Variants in ITPRID1 observed in about 807,000 individuals in gnomAD.
ITPRID1 encodes protein ITPRID1.
ITPRID1 carries 96 observed loss-of-function variants against 95.4 expected under a neutral mutation model. The observed-to-expected ratio is 1.01, with a 90% confidence interval of 0.85 to 1.19. ITPRID1 has a LOEUF of 1.19. Ranked by LOEUF, ITPRID1 falls within the 50% of genes most tolerant of loss-of-function variation. ITPRID1 has a pLI of 0.00. For synonymous variants in ITPRID1, 510 were observed against 453.6 expected (o/e 1.12, Z -1.58); for missense variants, 1,339 against 1,252.9 (o/e 1.07, Z -1.04).
intron 10 of ITPRID1, among the ~76,000 whole-genome samples, chr7:31,591,307 T>C: frequency 6.6e-6 from 1 of 152,162 alleles, no homozygotes; most frequent in East Asian, 1.9e-4. Flanking sequence ...TAATATTTGA[T>C]GACAGTGGAC....
At position 31,652,596 on chromosome 7, in the gene ITPRID1, G is replaced by A; in HGVS notation, c.2902G>A (p.Gly968Arg). The A allele has an allele frequency of 5.6e-6, 9 of 1,612,924 alleles. No individual in the cohort carries two copies. Among genetic ancestry groups the A allele is most frequent in the African/African-American group, 2.7e-5 (2 of 75,020 alleles). ...HQYNWIEESN[G>R]QTSCSKIHPG... Reference sequence around the variant, plus strand: ...ATATAACTGGATAGAAGAAAGCAATGGGCAGACTTCATGTTCTAAAATCCA... The same window carrying A: ...ATATAACTGGATAGAAGAAAGCAATAGGCAGACTTCATGTTCTAAAATCCA... Residue 968 changes from glycine to arginine, a missense_variant, in exon 15 of 15, where the codon GGG (glycine) becomes AGG (arginine). Gly to Arg is a moderately radical substitution (Grantham distance 125). Transcript: ENST00000615280.
Position 31,627,927 on chromosome 7 carries a change from G to C in ITPRID1, c.1229-14249G>C, listed in dbSNP as rs1332115426. ...AGGCAAGAAAGAGCATATCCAAAAG[G>C]GTTTAACTGAAGAGAGTTTTAGAAA... On this transcript the variant is annotated intron_variant, in intron 10 of 14. Transcript: ENST00000615280. Among the ~76,000 whole-genome samples, 3 of 152,278 alleles carry C rather than the reference G, an allele frequency of 2.0e-5. No homozygotes were observed. In the South Asian group the frequency reaches 6.2e-4, roughly 32 times the overall value.
chr7:31,563,211 T>C (rs1784683144), intron 5 of ITPRID1, among the ~76,000 whole-genome samples: 1 of 152,164 alleles, frequency 6.6e-6, no homozygotes, highest in African/African-American at 2.4e-5. Flanking sequence ...AAAAATTAAT[T>C]TGCTGGAAGC....
intron 8 of ITPRID1, among the ~76,000 whole-genome samples, chr7:31,575,897 A>T (rs1257437678): frequency 6.6e-6 from 1 of 151,644 alleles, no homozygotes; most frequent in Non-Finnish European, 1.5e-5. Context: ...TTTTTTTTTA[A>T]AAAGAGTATG....
At chr7:31,547,582 G>A (rs963858137) in intron 1 of ITPRID1, among the ~76,000 whole-genome samples, 2 of 152,092 alleles carry the variant, frequency 1.3e-5, no homozygotes, top group African/African-American at 2.4e-5. Flanking sequence ...TCGATATGGG[G>A]ACTATAGGAA....
intron 1 of ITPRID1, among the ~76,000 whole-genome samples, chr7:31,537,095 TTGTGTGTGTGTGTGTGTG>T (rs66543091): frequency 2.1e-5 from 3 of 145,568 alleles, no homozygotes; most frequent in Admixed American, 6.9e-5. Flanking sequence ...GGTGTGTGTG[TTGTGTGTGTGTGTGTGTG>T]TGTGTGTGTG....
rs2286711 is a variant in ITPRID1 at position 31,554,894 on chromosome 7, C to G, written c.249C>G (p.Asp83Glu). The G allele has an allele frequency of 6.3e-7, 1 of 1,575,518 alleles. No homozygotes were observed. Among genetic ancestry groups the G allele is most frequent in the Non-Finnish European group, 8.6e-7 (1 of 1,156,734 alleles). ...SANENFQQVI[D>E]RTVSLYEQGM... ...ATGAAAACTTTCAACAAGTCATTGA[C>G]CGCACTGGTAAGACAAGAGAAGCAG... The change falls in exon 5 of 15, where the codon GAC becomes GAG. Residue 83 changes from aspartate to glutamate, a missense_variant. Transcript: ENST00000615280.
chr7:31,540,304 G>A (rs1248898016), intron 1 of ITPRID1, among the ~76,000 whole-genome samples: 4 of 152,206 alleles, frequency 2.6e-5, no homozygotes, highest in Non-Finnish European at 5.9e-5. Context: ...AGTGCCAGCA[G>A]TGAAGAGATT....
intron 1 of ITPRID1, among the ~76,000 whole-genome samples, chr7:31,546,630 A>G (rs143354835): frequency 1.1e-3 from 165 of 152,254 alleles, no homozygotes; most frequent in African/African-American, 3.8e-3. Flanking sequence ...GTATTCCTCA[A>G]TTCCTTGTTG....
At position 31,643,457 on chromosome 7, in the gene ITPRID1, A is replaced by G; in HGVS notation, c.2087A>G (p.Glu696Gly). 1 of 1,614,010 alleles carries G rather than the reference A, an allele frequency of 6.2e-7. No homozygotes were observed. Among genetic ancestry groups the G allele is most frequent in the Non-Finnish European group, 8.5e-7 (1 of 1,179,898 alleles). The change falls in exon 12 of 15, where the codon GAA becomes GGA. Residue 696 changes from glutamate (E) to glycine (G), a missense_variant. Physicochemically the swap from Glu to Gly is moderately conservative, Grantham distance 98 (BLOSUM62 -2). Transcript: ENST00000615280. The stretch of plus-strand genomic sequence containing the variant: ...CTACCTGGGACAGAAGCTGAGATGG[A>G]AAACCTTCCTCTAAATACTGGCAGC... ...QILPGTEAEM[E>G]NLPLNTGSSR...
At chr7:31,566,842 G>A (rs1306033472) in intron 5 of ITPRID1, among the ~76,000 whole-genome samples, 2 of 152,152 alleles carry the variant, frequency 1.3e-5, no homozygotes, top group African/African-American at 2.4e-5. Context: ...CAAGAATGCC[G>A]CAATGGATTA....
chr7:31,564,672 C>A lies in ITPRID1; in HGVS notation c.257-5086C>A, dbSNP rs74950419. ...AGGTAGCAGGAGTAGTTTGTCTGTC[C>A]TGTGATGGCATTCCCTAGGCGTGAG... On this transcript the variant is annotated intron_variant, in intron 5 of 14. Transcript: ENST00000615280. Among the ~76,000 whole-genome samples the A allele has an allele frequency of 1.4e-3, 212 of 152,220 alleles. 2 individuals carry two copies. The East Asian group carries it at 0.026, about 19-fold the overall frequency.
At chr7:31,656,531 A>ACT (rs3078499), downstream of ITPRID1, 730,905 of 960,352 alleles carry the variant, frequency 0.76, 279,442 homozygotes, top group East Asian at 0.81. Flanking sequence ...GTTGAAAAGA[A>ACT]CTGTTAGCAA....
intron 5 of ITPRID1, among the ~76,000 whole-genome samples, chr7:31,558,867 A>G (rs1784537744): frequency 6.6e-6 from 1 of 152,196 alleles, no homozygotes; most frequent in African/African-American, 2.4e-5. Context: ...GGTGGCAGAA[A>G]AGAATGCTCT....
chr7:31,616,303 TCC>T (rs1360258620), intron 10 of ITPRID1, among the ~76,000 whole-genome samples: 36 of 152,224 alleles, frequency 2.4e-4, no homozygotes, highest in African/African-American at 8.2e-4. Flanking sequence ...TTTATGGTTA[TCC>T]CTTCAGGGTC....
At chr7:31,526,390 C>CAG (rs1485746394) in intron 1 of ITPRID1, among the ~76,000 whole-genome samples, 9 of 152,244 alleles carry the variant, frequency 5.9e-5, no homozygotes, top group Admixed American at 5.9e-4. Flanking sequence ...CGTTGCGAGT[C>CAG]AGAGAGGCAT....
intron 1 of ITPRID1, among the ~76,000 whole-genome samples, chr7:31,526,860 T>G (rs1783438357): frequency 6.6e-6 from 1 of 152,146 alleles, no homozygotes; most frequent in Non-Finnish European, 1.5e-5. Context: ...TCTTGTTGCT[T>G]CCATTCATTC....
Position 31,642,781 on chromosome 7 carries a change from G to C in ITPRID1, c.1411G>C (p.Glu471Gln), listed in dbSNP as rs1790141796. Reference protein sequence around the residue: ...SLVSSQDCQLESDGPDSKSRA... With the variant: ...SLVSSQDCQLQSDGPDSKSRA... ...AGTATCATCCCAGGACTGTCAGCTA[G>C]AGTCGGATGGGCCAGATTCCAAAAG... Residue 471 changes from glutamate to glutamine, a missense_variant, in exon 12 of 15, where the codon GAG becomes CAG. Glu to Gln is a conservative substitution (Grantham distance 29). Coordinates refer to ENST00000615280, the MANE Select transcript of ITPRID1 (RefSeq NM_001257967.3). 2 of 1,614,006 alleles carry C rather than the reference G, an allele frequency of 1.2e-6. No individual in the cohort carries two copies. The highest frequency in any genetic ancestry group is 1.7e-6 in the Non-Finnish European group (2 of 1,179,888).
At chr7:31,604,509 C>G (rs1786531598) in intron 10 of ITPRID1, among the ~76,000 whole-genome samples, 1 of 151,988 alleles carries the variant, frequency 6.6e-6, no homozygotes, top group East Asian at 1.9e-4. Context: ...CAGAGAAAAC[C>G]CTTCTGTTCT....
Sources: gnomAD v4.1 joint callset for allele counts (sites outside exome capture counted in the v4.1 genomes callset) on GRCh38, gnomAD v4.1.1 for gene constraint, MANE v1.5 for transcripts, NCBI Gene and HGNC (gene_info 2026-07-23, HGNC 2026-07-21) for gene names.